Variants in PCDHA3 observed in about 807,000 individuals in gnomAD.
The protein encoded by PCDHA3 is protocadherin alpha-3.
Under a neutral mutation model 62.2 loss-of-function variants are expected in PCDHA3, and 41 were observed. That is an observed-to-expected ratio of 0.66 (90% confidence interval 0.51 to 0.86). The LOEUF (loss-of-function observed/expected upper bound fraction) is 0.86, where lower values mean the gene tolerates loss of function less well. Ranked by LOEUF, PCDHA3 falls within the 40% of genes least tolerant of loss-of-function variation. The pLI, the probability that PCDHA3 is intolerant of heterozygous loss-of-function variation, is 0.00. For synonymous variants in PCDHA3, 640 were observed against 555.4 expected (o/e 1.15, Z -2.14); for missense variants, 1,304 against 1,241.2 (o/e 1.05, Z -0.76).
At chr5:141,006,058 G>T (rs1002161598) in intron 3 of PCDHA3, among the ~76,000 whole-genome samples, 2 of 149,786 alleles carry the variant, frequency 1.3e-5, no homozygotes, top group Non-Finnish European at 3.0e-5. Flanking sequence ...GAGTGGAGAA[G>T]AAATAAAAAT....
intron 1 of PCDHA3, chr5:140,835,303 A>C (rs1773561799): frequency 6.2e-7 from 1 of 1,612,938 alleles, no homozygotes; most frequent in African/African-American, 1.3e-5. Context: ...GTGATAGGAC[A>C]TATGGATTTT....
At chr5:140,843,457 G>C (rs2150360487) in intron 1 of PCDHA3, 4 of 1,596,058 alleles carry the variant, frequency 2.5e-6, no homozygotes, top group Admixed American at 1.7e-5. Flanking sequence ...GCCTGCTGGT[G>C]CTCACGCTGC....
intron 1 of PCDHA3, chr5:140,877,760 G>C (rs782609531): frequency 6.2e-7 from 1 of 1,614,194 alleles, no homozygotes; most frequent in South Asian, 1.1e-5. Context: ...TCTGCAGAGA[G>C]CCCGCCCAAG....
chr5:140,877,063 C>T (rs782051698), intron 1 of PCDHA3: 21 of 1,612,898 alleles, frequency 1.3e-5, no homozygotes, highest in East Asian at 2.2e-5. Context: ...GCTGGAGCTG[C>T]TGCAGTTCCA....
chr5:140,950,323 A>G (rs1400315467), intron 1 of PCDHA3, among the ~76,000 whole-genome samples: 1 of 152,046 alleles, frequency 6.6e-6, no homozygotes, highest in Non-Finnish European at 1.5e-5. Context: ...TAATGCATAT[A>G]TGCTGCAGTG....
intron 1 of PCDHA3, among the ~76,000 whole-genome samples, chr5:140,962,378 G>A (rs184607177): frequency 2.1e-3 from 316 of 152,286 alleles, no homozygotes; most frequent in African/African-American, 7.3e-3. Context: ...GATTTTATCT[G>A]TTAATATTAC....
intron 1 of PCDHA3, among the ~76,000 whole-genome samples, chr5:140,961,995 TG>T (rs2095649493): frequency 1.3e-5 from 2 of 152,062 alleles, no homozygotes; most frequent in African/African-American, 4.8e-5. Flanking sequence ...GCCATTGTCC[TG>T]CCTCAGCTTC....
At position 140,843,005 on chromosome 5, in the gene PCDHA3, G is replaced by C; in HGVS notation, c.2394+39414G>C. On this transcript the variant is annotated intron_variant, in intron 1 of 3. Transcript: ENST00000522353. ...GTTCGTGCTGGACGAGAATGACAAC[G>C]CGCCGGCACTGCTGGAGCCTCGGGT... The C allele has an allele frequency of 5.0e-6, 8 of 1,595,030 alleles. 1 individual carries two copies. The highest frequency in any genetic ancestry group is 1.1e-5 in the South Asian group (1 of 90,516).
rs782103936 is a variant in PCDHA3 at position 140,808,598 on chromosome 5, G to A, written c.2394+5007G>A. 3.4e-5 allele frequency: 55 copies of A among 1,613,794 alleles called. No individual in the cohort carries two copies. In the East Asian group the frequency reaches 1.2e-3, roughly 35 times the overall value. ...GTTCGTGAAGGAGAACAACCCGCCGGGCTGCCACATCTTCACTGTGTCTGC... is the reference window on the plus strand; with the variant it reads ...GTTCGTGAAGGAGAACAACCCGCCGAGCTGCCACATCTTCACTGTGTCTGC... On this transcript the variant is annotated intron_variant, in intron 1 of 3. Coordinates refer to ENST00000522353, the MANE Select transcript of PCDHA3 (RefSeq NM_018906.3).
intron 1 of PCDHA3, among the ~76,000 whole-genome samples, chr5:140,913,431 C>G (rs1554195920): frequency 6.6e-6 from 1 of 152,036 alleles, no homozygotes; most frequent in African/African-American, 2.4e-5. Flanking sequence ...AGTTGTAATG[C>G]CTCCTTTTTC....
At chr5:140,919,489 T>C (rs1554199092) in intron 1 of PCDHA3, among the ~76,000 whole-genome samples, 2 of 152,222 alleles carry the variant, frequency 1.3e-5, no homozygotes, top group African/African-American at 4.8e-5. Context: ...TTATGTTTGT[T>C]ATTTTACTCC....
At chr5:140,852,945 C>G in intron 1 of PCDHA3, 1 of 522,890 alleles carries the variant, frequency 1.9e-6, no homozygotes, top group Non-Finnish European at 2.5e-6. Context: ...GTGGTGCCAT[C>G]TTGGCTCACT....
chr5:140,875,305 C>T, intron 1 of PCDHA3: 1 of 1,420,254 alleles, frequency 7.0e-7, no homozygotes, highest in South Asian at 1.6e-5. Context: ...TTTCTCCGCA[C>T]CCACATTCCA....
chr5:140,835,805 C>T (rs2150245230), intron 1 of PCDHA3: 3 of 1,613,062 alleles, frequency 1.9e-6, no homozygotes, highest in Non-Finnish European at 2.5e-6. Context: ...GCTGCCACAT[C>T]TTCACTGTGT....
At position 140,917,332 on chromosome 5, in the gene PCDHA3, G is replaced by T. The variant is rs182473611; in HGVS notation, c.2395-61617G>T. Among the ~76,000 whole-genome samples the T allele has an allele frequency of 8.2e-3, 1,196 of 145,640 alleles. 67 individuals carry two copies. The highest frequency in any genetic ancestry group is 0.021 in the African/African-American group (776 of 37,840). On this transcript the variant is annotated intron_variant, in intron 1 of 3. Transcript: ENST00000522353. ...ATTTGGTGTTCATGTGGCGGGGGAG[G>T]GGGGGGATGGTGTAGGCTTCTGTTC... is the stretch of plus-strand genomic sequence containing the variant.
chr5:140,879,782 G>C (rs1372413289), intron 1 of PCDHA3, among the ~76,000 whole-genome samples: 1 of 152,178 alleles, frequency 6.6e-6, no homozygotes, highest in African/African-American at 2.4e-5. Flanking sequence ...GGAAGAATCT[G>C]GTTTTTGTTT....
chr5:140,843,528 A>G (rs2150362110), intron 1 of PCDHA3: 1 of 1,596,000 alleles, frequency 6.3e-7, no homozygotes, highest in Non-Finnish European at 8.6e-7. Context: ...CGGGCGGGCA[A>G]GCCCACTCTG....
At chr5:140,944,166 G>A (rs1483002893) in intron 1 of PCDHA3, among the ~76,000 whole-genome samples, 1 of 152,024 alleles carries the variant, frequency 6.6e-6, no homozygotes, top group Non-Finnish European at 1.5e-5. Context: ...AAAGGGCCAA[G>A]GCTGGTTTTT....
At chr5:140,829,947 G>A (rs2150178345) in intron 1 of PCDHA3, 3 of 1,613,878 alleles carry the variant, frequency 1.9e-6, no homozygotes, top group Non-Finnish European at 2.5e-6. Context: ...AGCAGCGCTC[G>A]CTTCCCGTTT....
Sources: gnomAD v4.1 joint callset for allele counts (sites outside exome capture counted in the v4.1 genomes callset) on GRCh38, gnomAD v4.1.1 for gene constraint, MANE v1.5 for transcripts, NCBI Gene and HGNC (gene_info 2026-07-23, HGNC 2026-07-21) for gene names.